Variants in TBC1D15 observed in about 807,000 individuals in gnomAD.
The protein encoded by TBC1D15 is GAP for RAB7.
TBC1D15 carries 39 observed loss-of-function variants against 95.4 expected under a neutral mutation model. That is an observed-to-expected ratio of 0.41 (90% CI 0.32 to 0.53). The LOEUF (loss-of-function observed/expected upper bound fraction) is 0.53. Ranked by LOEUF, TBC1D15 falls within the 20% of genes least tolerant of loss-of-function variation. The pLI is 0.29. For synonymous variants in TBC1D15, 258 were observed against 261.3 expected (o/e 0.99, Z 0.12); for missense variants, 733 against 794.3 (o/e 0.92, Z 0.93).
intron 1 of TBC1D15, among the ~76,000 whole-genome samples, chr12:71,846,960 C>T (rs553016374): frequency 5.3e-5 from 8 of 151,910 alleles, no homozygotes; most frequent in Admixed American, 3.9e-4. Context: ...GGAGTGTTGC[C>T]GTGTTGCTCC....
chr12:71,896,530 AAAC>A (rs1374904041), intron 8 of TBC1D15, 144 bp from the exon 9 acceptor site: 4 of 685,616 alleles, frequency 5.8e-6, no homozygotes, highest in East Asian at 5.5e-5. Context: ...TAGAAGTAAA[AAAC>A]AAGATGATAT....
chr12:71,917,389 C>T (rs1243159965), intron 12 of TBC1D15, among the ~76,000 whole-genome samples: 1 of 152,114 alleles, frequency 6.6e-6, no homozygotes, highest in African/African-American at 2.4e-5. Flanking sequence ...ATGTGTGTTT[C>T]TTTCACCAAG....
At chr12:71,892,084 CTG>C (rs1341225999) in intron 5 of TBC1D15, among the ~76,000 whole-genome samples, 1 of 152,048 alleles carries the variant, frequency 6.6e-6, no homozygotes, top group African/African-American at 2.4e-5. Flanking sequence ...GTGAGAGAAT[CTG>C]TAAGTCTGCC....
intron 1 of TBC1D15, among the ~76,000 whole-genome samples, chr12:71,855,935 G>T (rs541425919): frequency 3.4e-5 from 5 of 148,968 alleles, no homozygotes; most frequent in Non-Finnish European, 5.9e-5. Context: ...ATTGTATGTG[G>T]TTTTTTTTGG....
intron 2 of TBC1D15, 134 bp downstream of exon 2, chr12:71,872,302 C>T (rs756949998): frequency 8.3e-5 from 40 of 482,690 alleles, no homozygotes; most frequent in Non-Finnish European, 1.2e-4. Context: ...AATTTAACAC[C>T]GAAATGATGT....
intron 1 of TBC1D15, chr12:71,868,892 C>A (rs774048993): frequency 9.2e-5 from 14 of 152,066 alleles, no homozygotes; most frequent in Admixed American, 2.0e-4. Context: ...CTGAGTCTTA[C>A]GTGAAAATAT....
At chr12:71,898,815 G>GT (rs1213297108) in intron 10 of TBC1D15, among the ~76,000 whole-genome samples, 4 of 152,086 alleles carry the variant, frequency 2.6e-5, no homozygotes, top group African/African-American at 9.7e-5. Context: ...AAAGCCCAAC[G>GT]TAACAGGCTG....
chr12:71,920,666 G>A, intron 14 of TBC1D15, 65 bp from the exon 15 acceptor site: 2 of 1,217,890 alleles, frequency 1.6e-6, no homozygotes, highest in Non-Finnish European at 2.4e-6. Context: ...GTTCAGAATT[G>A]TATCTGTGAG....
chr12:71,867,991 T>C, intron 1 of TBC1D15, among the ~76,000 whole-genome samples: 1 of 152,220 alleles, frequency 6.6e-6, no homozygotes, highest in East Asian at 1.9e-4. Flanking sequence ...TTATAAAATA[T>C]AAGACTTTGT....
Position 71,893,306 on chromosome 12 carries a change from A to G in TBC1D15, c.639A>G (p.Pro213=), listed in dbSNP as rs1158882255. Residue 213 remains proline (P), a synonymous_variant, in exon 6 of 17, where the codon CCA becomes CCG. Coordinates refer to ENST00000485960, the MANE Select transcript of TBC1D15 (RefSeq NM_001146213.3). ...CTTTTGAAAATCTTCTTGATGAGCC[A>G]GCATATGGTTTAATACAAGTATGTT... The part of the protein sequence containing the change: ...SQSFENLLDE[P]AYGLIQKIKK... The G allele has an allele frequency of 6.2e-7, 1 of 1,609,236 alleles. No individual in the cohort carries two copies. Among genetic ancestry groups the G allele is most frequent in the Non-Finnish European group, 8.5e-7 (1 of 1,177,150 alleles).
rs553884911 is a variant in TBC1D15, at chr12:71,915,657, T to C, written c.1401+1731T>C. On this transcript the variant is annotated intron_variant, in intron 12 of 16. Coordinates refer to ENST00000485960, the MANE Select transcript of TBC1D15 (RefSeq NM_001146213.3). ...GTAATAAACACTTTACAGTCCGTCA[T>C]TTTTTGTGTATGAAGGTTCAGTTTC... 2.6e-5 allele frequency among the ~76,000 whole-genome samples: 4 copies of C among 152,174 alleles called. No individual in the cohort carries two copies. The East Asian group carries it at 5.8e-4, about 22-fold the overall frequency.
rs1425975921 is a variant in TBC1D15 at position 71,873,019 on chromosome 12, A to G, written c.204+16A>G. On this transcript the variant is annotated intron_variant, in intron 3 of 16. Coordinates refer to ENST00000485960, the MANE Select transcript of TBC1D15 (RefSeq NM_001146213.3). ...TGCTAGAAAGGTATTTAAGAAAAAA[A>G]TGTGTTACTAAGGGAATGCCATTTA... 8.4e-6 allele frequency: 13 copies of G among 1,548,520 alleles called. No homozygotes were observed. In the East Asian group the frequency reaches 2.3e-4, roughly 27 times the overall value.
At chr12:71,877,567 C>CT (rs1272558132) in intron 3 of TBC1D15, among the ~76,000 whole-genome samples, 2 of 106,688 alleles carry the variant, frequency 1.9e-5, no homozygotes, top group Non-Finnish European at 3.7e-5. Flanking sequence ...TTCCTTTCTT[C>CT]TTTTTCTTTC....
At chr12:71,863,261 C>T (rs1421766519) in intron 1 of TBC1D15, among the ~76,000 whole-genome samples, 1 of 151,962 alleles carries the variant, frequency 6.6e-6, no homozygotes, top group Non-Finnish European at 1.5e-5. Context: ...ACCTGTAGTC[C>T]CAGCTACTCA....
chr12:71,919,128 C>T (rs1024381373), intron 14 of TBC1D15, among the ~76,000 whole-genome samples: 4 of 151,834 alleles, frequency 2.6e-5, no homozygotes, highest in East Asian at 1.9e-4. Context: ...GTTTATTTTT[C>T]CATGGCAACC....
chr12:71,907,033 A>T lies in TBC1D15; in HGVS notation c.1195A>T (p.Asn399Tyr). Residue 399 changes from asparagine to tyrosine, a missense_variant, in exon 11 of 17, where the codon AAC becomes TAC. Physicochemically the swap from Asn to Tyr is moderately radical, Grantham distance 143 (BLOSUM62 -2). Transcript: ENST00000485960. ...ATTTTCCTCTTCAGAAAAAGATGTT[A>T]ACAGAACAGATCGAACAAACAAGTT... ...DYRSLIEKDVNRTDRTNKFYE... is the reference protein window; with the variant it reads ...DYRSLIEKDVYRTDRTNKFYE... The T allele has an allele frequency of 6.2e-7, 1 of 1,602,544 alleles. No individual in the cohort carries two copies. The highest frequency in any genetic ancestry group is 8.5e-7 in the Non-Finnish European group (1 of 1,175,328).
At chr12:71,913,676 A>G (rs1902982816) in intron 11 of TBC1D15, 150 bp from the exon 12 acceptor site, 2 of 568,042 alleles carry the variant, frequency 3.5e-6, no homozygotes, top group Middle Eastern at 4.0e-4. Context: ...CTTCATTTAT[A>G]TTCTTTTCTT....
chr12:71,839,802 G>T lies in TBC1D15; in HGVS notation c.21G>T (p.Val7=), dbSNP rs1261622199. The change falls in exon 1 of 17, where the codon GTG becomes GTT. Residue 7 remains valine (V), a synonymous_variant. Transcript: ENST00000485960. ...GAAACATGGCGGCGGCGGGTGTTGT[G>T]AGCGGGAAGGTAGGTAACGGCCTCC... is the stretch of plus-strand genomic sequence containing the variant. MAAAGV[V]SGKIIYEQEG... is the part of the protein sequence containing the mutation. 3.1e-6 allele frequency: 5 copies of T among 1,614,176 alleles called. No homozygotes were observed. The highest frequency in any genetic ancestry group is 4.2e-6 in the Non-Finnish European group (5 of 1,180,028).
chr12:71,878,093 C>T (rs1023505025), intron 3 of TBC1D15, among the ~76,000 whole-genome samples: 1 of 152,134 alleles, frequency 6.6e-6, no homozygotes, highest in Non-Finnish European at 1.5e-5. Flanking sequence ...CAAGAATCTG[C>T]AGATTCCTGC....
Sources: allele counts gnomAD v4.1 joint callset (sites outside exome capture counted in the v4.1 genomes callset), GRCh38; gene constraint gnomAD v4.1.1; transcripts MANE v1.5; gene names NCBI Gene and HGNC (gene_info 2026-07-23, HGNC 2026-07-21).